FGF14: variants seen among roughly 807,000 people sequenced by gnomAD.
FGF14 encodes the protein fibroblast growth factor homologous factor 4.
In FGF14, 5 loss-of-function variants were observed where a neutral mutation model predicts 25.5. The ratio of observed to expected loss-of-function variants is 0.20; its 90% CI spans 0.10 to 0.41. The LOEUF is 0.41. Ranked by LOEUF, FGF14 falls within the 10% of genes least tolerant of loss-of-function variation. The pLI is 1.00. For missense variants in FGF14, 222 were observed against 320.1 expected (o/e 0.69, Z 2.34); for synonymous variants, 138 against 118.3 (o/e 1.17, Z -1.08).
chr13:102,150,651 C>T (rs1289733960), intron 1 of FGF14, among the ~76,000 whole-genome samples: 3 of 152,174 alleles, frequency 2.0e-5, no homozygotes. Context: ...TGAGCATCAG[C>T]CTGCTCATCT....
chr13:102,056,731 A>G (rs1455057144), intron 1 of FGF14, among the ~76,000 whole-genome samples: 1 of 151,156 alleles, frequency 6.6e-6, no homozygotes, highest in African/African-American at 2.4e-5. Context: ...TGATTCAACA[A>G]TGAATACCAG....
At chr13:102,382,501 T>C (rs1254113270) in intron 1 of FGF14, among the ~76,000 whole-genome samples, 2 of 152,068 alleles carry the variant, frequency 1.3e-5, no homozygotes, top group Non-Finnish European at 2.9e-5. Context: ...ATGGAGAAAT[T>C]AGAACCCTCA....
chr13:101,942,262 A>G (rs1449165259), intron 1 of FGF14, among the ~76,000 whole-genome samples: 1 of 152,206 alleles, frequency 6.6e-6, no homozygotes, highest in Non-Finnish European at 1.5e-5. Flanking sequence ...ATCACCATCG[A>G]GTAACTAGAG....
At chr13:102,059,771 A>G (rs2042594283) in intron 1 of FGF14, among the ~76,000 whole-genome samples, 2 of 152,102 alleles carry the variant, frequency 1.3e-5, no homozygotes, top group African/African-American at 4.8e-5. Flanking sequence ...GAATCACTGG[A>G]ACCCGGGAGA....
chr13:102,131,199 G>A (rs2046182408), intron 1 of FGF14, among the ~76,000 whole-genome samples: 1 of 152,156 alleles, frequency 6.6e-6, no homozygotes, highest in African/African-American at 2.4e-5. Flanking sequence ...CTGAAAGTGA[G>A]CAGCTGAAAA....
At chr13:102,321,744 C>A (rs1056740887) in intron 1 of FGF14, among the ~76,000 whole-genome samples, 2 of 152,112 alleles carry the variant, frequency 1.3e-5, no homozygotes, top group African/African-American at 4.8e-5. Flanking sequence ...AGTTCATAAT[C>A]AGGAGCATTA....
At chr13:101,891,103 A>G (rs2046246250) in intron 1 of FGF14, among the ~76,000 whole-genome samples, 1 of 152,154 alleles carries the variant, frequency 6.6e-6, no homozygotes, top group Admixed American at 6.5e-5. Flanking sequence ...CTTTTACAGG[A>G]AATTAAGTTT....
At chr13:102,065,367 A>T (rs115222414) in intron 1 of FGF14, among the ~76,000 whole-genome samples, 2 of 152,076 alleles carry the variant, frequency 1.3e-5, no homozygotes, top group Admixed American at 1.3e-4. Context: ...TCCAATTCCA[A>T]TAACTTATTT....
chr13:101,894,600 T>G (rs922751229), intron 1 of FGF14, among the ~76,000 whole-genome samples: 1 of 152,196 alleles, frequency 6.6e-6, no homozygotes, highest in South Asian at 2.1e-4. Flanking sequence ...AGGCTCTTTA[T>G]AGCATGTTAT....
chr13:102,126,245 G>C (rs2045943035), intron 1 of FGF14, among the ~76,000 whole-genome samples: 1 of 152,084 alleles, frequency 6.6e-6, no homozygotes, highest in Non-Finnish European at 1.5e-5. Flanking sequence ...CTTTGCTACT[G>C]ATCATCTCTA....
At chr13:101,763,355 T>C (rs1210568722) in intron 3 of FGF14, among the ~76,000 whole-genome samples, 1 of 152,216 alleles carries the variant, frequency 6.6e-6, no homozygotes, top group South Asian at 2.1e-4. Context: ...AATGTACCAC[T>C]GTCAATATGT....
At chr13:102,087,948 G>A (rs902309570) in intron 1 of FGF14, among the ~76,000 whole-genome samples, 8 of 152,120 alleles carry the variant, frequency 5.3e-5, no homozygotes, top group Non-Finnish European at 1.2e-4. Flanking sequence ...TTGCCTGATT[G>A]TAAAGCTCAT....
At chr13:102,308,363 A>G (rs974843661) in intron 1 of FGF14, among the ~76,000 whole-genome samples, 1 of 152,212 alleles carries the variant, frequency 6.6e-6, no homozygotes, top group African/African-American at 2.4e-5. Flanking sequence ...TGAGCAGATC[A>G]ATATAATGAG....
intron 3 of FGF14, among the ~76,000 whole-genome samples, chr13:101,799,456 T>G (rs1337096974): frequency 6.6e-6 from 1 of 152,082 alleles, no homozygotes; most frequent in Non-Finnish European, 1.5e-5. Flanking sequence ...TGAGGTGATT[T>G]GCCACAGCAG....
At chr13:101,798,465 A>G (rs2040683852) in intron 3 of FGF14, among the ~76,000 whole-genome samples, 1 of 152,130 alleles carries the variant, frequency 6.6e-6, no homozygotes, top group South Asian at 2.1e-4. Context: ...AGGTGTCCTT[A>G]TTGACATTTT....
chr13:101,967,868 A>C (rs1313364764), intron 1 of FGF14: 1 of 152,764 alleles, frequency 6.5e-6, no homozygotes, highest in Non-Finnish European at 1.5e-5. Context: ...AGAAGGAAGA[A>C]AATCTGATAC....
At chr13:101,796,398 T>C (rs1379466378) in intron 3 of FGF14, among the ~76,000 whole-genome samples, 1 of 152,032 alleles carries the variant, frequency 6.6e-6, no homozygotes, top group Non-Finnish European at 1.5e-5. Flanking sequence ...TCTGCTATAA[T>C]GTTGAGCCTG....
At chr13:101,954,082 T>G (rs2036354444) in intron 1 of FGF14, among the ~76,000 whole-genome samples, 1 of 152,152 alleles carries the variant, frequency 6.6e-6, no homozygotes, top group Non-Finnish European at 1.5e-5. Flanking sequence ...CCTTCTAAAT[T>G]TTTGAAGAAG....
intron 1 of FGF14, among the ~76,000 whole-genome samples, chr13:102,124,841 C>A (rs556439908): frequency 6.6e-6 from 1 of 152,254 alleles, no homozygotes; most frequent in African/African-American, 2.4e-5. Flanking sequence ...ATTTTAGGAA[C>A]AAAAGCTTAT....
Sources: gnomAD v4.1 joint callset for allele counts (sites outside exome capture counted in the v4.1 genomes callset) on GRCh38, gnomAD v4.1.1 for gene constraint, MANE v1.5 for transcripts, NCBI Gene and HGNC (gene_info 2026-07-23, HGNC 2026-07-21) for gene names.